Variants in POLH observed in about 807,000 individuals in gnomAD.
POLH encodes DNA polymerase eta transcript.
In POLH, 53 loss-of-function variants were observed where a neutral mutation model predicts 73.6. That is an observed-to-expected ratio of 0.72 (90% CI 0.58 to 0.91). POLH has a LOEUF of 0.91. Among genes scored for constraint, POLH ranks in the 40% least tolerant of loss-of-function variants. POLH has a pLI of 0.00. For missense variants in POLH, 768 were observed against 865.4 expected (o/e 0.89, Z 1.41); for synonymous variants, 292 against 308.5 (o/e 0.95, Z 0.56).
chr6:43,585,801 G>A (rs1239633786), intron 3 of POLH, among the ~76,000 whole-genome samples: 2 of 151,402 alleles, frequency 1.3e-5, no homozygotes, highest in South Asian at 2.1e-4. Context: ...ATGTGCCACC[G>A]TGCTGGCTAA....
At chr6:43,603,019 GA>G (rs1766904406) in intron 6 of POLH, among the ~76,000 whole-genome samples, 1 of 44,930 alleles carries the variant, frequency 2.2e-5, no homozygotes, top group African/African-American at 1.1e-4. Flanking sequence ...TTTTTTTTTT[GA>G]AACAGAGTCT....
intron 1 of POLH, chr6:43,578,503 G>A (rs1582261781): frequency 8.1e-6 from 3 of 372,044 alleles, no homozygotes; most frequent in East Asian, 9.8e-5. Context: ...CTGGCGGGGG[G>A]ACAAGAGCGA....
In POLH at chr6:43,614,272, A is replaced by G; in HGVS notation, c.1857A>G (p.Lys619=). 1.3e-6 allele frequency: 2 copies of G among 1,599,384 alleles called. No homozygotes were observed. Among genetic ancestry groups the G allele is most frequent in the Non-Finnish European group, 1.7e-6 (2 of 1,171,372 alleles). Reference sequence around the variant, plus strand: ...AATCTGTGCTGGAGGTGACTCAGAAAGCAACCCCAAATCCAAGTCTTCTAG... The same window carrying G: ...AATCTGTGCTGGAGGTGACTCAGAAGGCAACCCCAAATCCAAGTCTTCTAG... The part of the protein sequence containing the change: ...ASKSVLEVTQ[K]ATPNPSLLAA... The change falls in exon 11 of 11, where the codon AAA becomes AAG. Residue 619 remains lysine, a synonymous_variant. Transcript: ENST00000372236.
At position 43,613,567 on chromosome 6, in the gene POLH, A is replaced by C. The variant is rs55843710; in HGVS notation, c.1245-93A>C. On this transcript the variant is annotated intron_variant, in intron 10 of 10. Coordinates refer to ENST00000372236, the MANE Select transcript of POLH (RefSeq NM_006502.3). ...TATGGATTAAATCTGTCCTATGGTG[A>C]AATAAAACAGATACAATTCATGGAA... The C allele has an allele frequency of 1.1e-5, 12 of 1,071,700 alleles. 1 individual carries two copies. Among genetic ancestry groups the C allele is most frequent in the Middle Eastern group, 2.1e-4 (1 of 4,774 alleles). The allele number at this position is 1,071,700 out of a possible 1,614,324, so 66.4% of individuals were successfully genotyped here. A position where few individuals can be genotyped will look rare whatever the true frequency, so the allele number is the denominator to read the frequency against.
intron 3 of POLH, among the ~76,000 whole-genome samples, chr6:43,585,640 T>C (rs1764719643): frequency 6.7e-6 from 1 of 148,466 alleles, no homozygotes; most frequent in Non-Finnish European, 1.5e-5. Flanking sequence ...TTCTTTTCTT[T>C]TTTTTTTTTT....
chr6:43,587,585 T>A, intron 4 of POLH, 96 bp downstream of exon 4: 2 of 859,538 alleles, frequency 2.3e-6, no homozygotes, highest in Non-Finnish European at 3.9e-6. Context: ...AAAGGAAACT[T>A]AAACTACAGC....
intron 4 of POLH, among the ~76,000 whole-genome samples, chr6:43,597,123 T>G (rs1158262218): frequency 6.6e-6 from 1 of 152,156 alleles, no homozygotes; most frequent in Non-Finnish European, 1.5e-5. Flanking sequence ...TTTTTTATTT[T>G]TATTATTTTT....
At position 43,605,443 on chromosome 6, in the gene POLH, C is replaced by CTTT. The variant is rs540143863; in HGVS notation, c.1074+146_1074+148dup. The CTTT allele has an allele frequency of 3.6e-3, 1,049 of 295,072 alleles. 8 individuals carry two copies. The highest frequency in any genetic ancestry group is 0.013 in the African/African-American group (371 of 28,052). The allele number at this position is 295,072 out of a possible 1,614,324, so 18.3% of individuals were successfully genotyped here. ...AGCATAGGAAATATCCGTTTTCTTT[C>CTTT]TTTTTTTTTTTTTTTTTTTTTTTTG... On this transcript the variant is annotated intron_variant, in intron 9 of 10. Coordinates refer to ENST00000372236, the MANE Select transcript of POLH (RefSeq NM_006502.3).
chr6:43,590,561 C>CT (rs1165274762), intron 4 of POLH, among the ~76,000 whole-genome samples: 1 of 150,628 alleles, frequency 6.6e-6, no homozygotes, highest in Non-Finnish European at 1.5e-5. Context: ...AGAATGAGGT[C>CT]TTTTTTTTAA....
intron 1 of POLH, among the ~76,000 whole-genome samples, chr6:43,577,183 T>C (rs1763454217): frequency 6.6e-6 from 1 of 152,178 alleles, no homozygotes; most frequent in African/African-American, 2.4e-5. Flanking sequence ...GTCTCAAAAA[T>C]AAATAAATAA....
chr6:43,579,079 G>A (rs1181832436), intron 1 of POLH, among the ~76,000 whole-genome samples: 1 of 152,152 alleles, frequency 6.6e-6, no homozygotes, highest in African/African-American at 2.4e-5. Context: ...GTTAGTTTTT[G>A]TCCACGGTTC....
Position 43,616,600 on chromosome 6 carries a change from AC to A in POLH, c.*2044del, listed in dbSNP as rs1246020627. Among the ~76,000 whole-genome samples the A allele has an allele frequency of 2.0e-5, 3 of 151,740 alleles. No homozygotes were observed. The highest frequency in any genetic ancestry group is 4.8e-5 in the African/African-American group (2 of 41,282). Reference sequence around the variant, plus strand: ...AGAGACTGTCTCAAAAAAAAAAAAAACAAAAGAAAAACTTCTCTCTAGCTCT... The same window carrying A: ...AGAGACTGTCTCAAAAAAAAAAAAAAAAAAGAAAAACTTCTCTCTAGCTCT... On this transcript the variant is annotated 3_prime_UTR_variant, in exon 11 of 11. Transcript: ENST00000372236.
chr6:43,600,868 T>C (rs892460406), intron 5 of POLH, 120 bp from the exon 6 acceptor site: 2 of 759,046 alleles, frequency 2.6e-6, no homozygotes, highest in Admixed American at 3.8e-5. Flanking sequence ...TTGTTTTTAA[T>C]GTAGAAACCA....
At chr6:43,610,326 A>G (rs1012495558) in intron 9 of POLH, among the ~76,000 whole-genome samples, 3 of 151,938 alleles carry the variant, frequency 2.0e-5, no homozygotes, top group Non-Finnish European at 4.4e-5. Flanking sequence ...CAGCCTCCCA[A>G]GGTGCTGGGA....
At chr6:43,595,682 C>T (rs970741105) in intron 4 of POLH, among the ~76,000 whole-genome samples, 2 of 151,994 alleles carry the variant, frequency 1.3e-5, no homozygotes, top group Non-Finnish European at 2.9e-5. Context: ...ACTCGGGAGG[C>T]TGAGGCAGGA....
chr6:43,591,334 A>G (rs1765438716), intron 4 of POLH: 1 of 151,988 alleles, frequency 6.6e-6, no homozygotes, highest in Admixed American at 6.6e-5. Flanking sequence ...TAGTTTCCAT[A>G]TGCAACACTG....
intron 9 of POLH, among the ~76,000 whole-genome samples, chr6:43,605,935 G>C (rs1767236507): frequency 6.6e-6 from 1 of 151,952 alleles, no homozygotes; most frequent in Non-Finnish European, 1.5e-5. Context: ...TATTGGCCAG[G>C]CTGGTCTTGA....
intron 5 of POLH, 52 bp downstream of exon 5, chr6:43,597,917 T>C (rs1445217131): frequency 5.5e-6 from 8 of 1,457,040 alleles, no homozygotes; most frequent in Non-Finnish European, 7.7e-6. Flanking sequence ...CTTAGTCAAA[T>C]ACAGTAGGGA....
chr6:43,576,344 G>C lies in POLH; in HGVS notation c.-101G>C, dbSNP rs934470797. 2 of 152,770 alleles carry C rather than the reference G, an allele frequency of 1.3e-5. No homozygotes were observed. Among genetic ancestry groups the C allele is most frequent in the African/African-American group, 4.8e-5 (2 of 41,482 alleles). The allele number at this position is 152,770 out of a possible 1,614,324, so 9.5% of individuals were successfully genotyped here. A position where few individuals can be genotyped will look rare whatever the true frequency, so the allele number is the denominator to read the frequency against. ...TGGACCGCTCCTAGAAAGGCGAAAA[G>C]ATATTCAGGAGCCCTTCCATTTTCC... is the stretch of plus-strand genomic sequence containing the variant. On this transcript the variant is annotated 5_prime_UTR_variant, in exon 1 of 11. Transcript: ENST00000372236.
Sources: allele counts gnomAD v4.1 joint callset (sites outside exome capture counted in the v4.1 genomes callset), GRCh38; gene constraint gnomAD v4.1.1; transcripts MANE v1.5; gene names NCBI Gene and HGNC (gene_info 2026-07-23, HGNC 2026-07-21).